The following IQCK variants were observed in gnomAD, a reference collection of about 807,000 sequenced individuals.
IQCK encodes the protein IQ domain-containing protein K.
IQCK carries 29 observed loss-of-function variants against 28.1 expected under a neutral mutation model. The observed-to-expected ratio is 1.03, with a 90% confidence interval of 0.77 to 1.41. IQCK has a LOEUF of 1.41. Ranked by LOEUF, IQCK falls within the 40% of genes most tolerant of loss-of-function variation. The pLI, the probability that IQCK is intolerant of heterozygous loss-of-function variation, is 0.00. For missense variants in IQCK, 359 were observed against 314.7 expected (o/e 1.14, Z -1.07); for synonymous variants, 113 against 115.1 (o/e 0.98, Z 0.12).
chr16:19,741,511 A>C (rs2054834225), intron 4 of IQCK, among the ~76,000 whole-genome samples: 1 of 152,218 alleles, frequency 6.6e-6, no homozygotes, highest in Non-Finnish European at 1.5e-5. Flanking sequence ...ATTATATTAG[A>C]GATTAATGAG....
intron 4 of IQCK, among the ~76,000 whole-genome samples, chr16:19,748,780 A>C (rs2054947339): frequency 6.6e-6 from 1 of 152,208 alleles, no homozygotes; most frequent in Non-Finnish European, 1.5e-5. Flanking sequence ...GATAGGTATT[A>C]GTAAAAATCA....
At chr16:19,782,875 AAAG>A (rs1463370259) in intron 6 of IQCK, among the ~76,000 whole-genome samples, 1 of 152,210 alleles carries the variant, frequency 6.6e-6, no homozygotes, top group African/African-American at 2.4e-5. Flanking sequence ...TGCATCTAAA[AAAG>A]AGAAAAGAAG....
At chr16:19,784,480 G>A (rs113476390) in intron 6 of IQCK, among the ~76,000 whole-genome samples, 9 of 152,258 alleles carry the variant, frequency 5.9e-5, no homozygotes, top group South Asian at 4.2e-4. Flanking sequence ...ACAAAATCAC[G>A]TGTAGAAAAT....
At chr16:19,822,893 G>A (rs989957789) in intron 7 of IQCK, among the ~76,000 whole-genome samples, 2 of 152,320 alleles carry the variant, frequency 1.3e-5, no homozygotes, top group African/African-American at 4.8e-5. Flanking sequence ...AAGGTTCCTT[G>A]TGAATCTGAT....
intron 6 of IQCK, among the ~76,000 whole-genome samples, chr16:19,779,272 TA>T (rs1278291090): frequency 1.3e-5 from 2 of 152,128 alleles, no homozygotes; most frequent in Admixed American, 6.6e-5. Flanking sequence ...GAGGAGGAAG[TA>T]AAATAAATTG....
intron 1 of IQCK, among the ~76,000 whole-genome samples, chr16:19,725,345 C>T (rs563989645): frequency 1.4e-4 from 21 of 152,234 alleles, no homozygotes; most frequent in East Asian, 5.8e-4. Context: ...TACAGGCGTG[C>T]GCCACCACAC....
intron 7 of IQCK, among the ~76,000 whole-genome samples, chr16:19,822,201 C>T (rs181159827): frequency 2.7e-5 from 4 of 149,894 alleles, no homozygotes; most frequent in Non-Finnish European, 4.4e-5. Context: ...GCCTGGCCAA[C>T]ATGGTGAAAC....
In IQCK at chr16:19,746,190, CTT is replaced by C. The variant is rs58032911; in HGVS notation, c.474+10750_474+10751del. Among the ~76,000 whole-genome samples, 236 of 132,266 alleles carry C rather than the reference CTT, an allele frequency of 1.8e-3. 2 individuals carry two copies. Among genetic ancestry groups the C allele is most frequent in the Middle Eastern group, 0.012 (3 of 242 alleles). 86.8% of individuals were successfully genotyped at this position (132,266 alleles called of 152,430 possible). A position where few individuals can be genotyped will look rare whatever the true frequency, so the allele number is the denominator to read the frequency against. ...AAAAAAAAAGAGTCTAGCTTCATTT[CTT>C]TTTTTTTTTCTTTTAATTTTTGTGG... On this transcript the variant is annotated intron_variant, in intron 4 of 7. Transcript: ENST00000564186.
At chr16:19,764,110 A>G (rs778235385) in exon 6 of IQCK, 4 of 1,608,052 alleles carry the variant, frequency 2.5e-6, no homozygotes, top group Non-Finnish European at 2.6e-6. Context: ...GGCTAAAGCA[A>G]CAGTGAGTAT....
At chr16:19,806,940 C>T (rs963937565) in intron 7 of IQCK, among the ~76,000 whole-genome samples, 9 of 152,214 alleles carry the variant, frequency 5.9e-5, no homozygotes, top group Admixed American at 1.3e-4. Context: ...ATAACCCCCA[C>T]CCCCTGGGAT....
chr16:19,777,023 G>A (rs938657198), intron 6 of IQCK, among the ~76,000 whole-genome samples: 1 of 152,200 alleles, frequency 6.6e-6, no homozygotes, highest in Non-Finnish European at 1.5e-5. Flanking sequence ...AAATGAGCAC[G>A]AAGAGCAAAA....
intron 7 of IQCK, among the ~76,000 whole-genome samples, chr16:19,809,076 C>T (rs2055868903): frequency 6.6e-6 from 1 of 152,180 alleles, no homozygotes; most frequent in African/African-American, 2.4e-5. Flanking sequence ...AGGCTGGTCT[C>T]GAACTCCTGA....
chr16:19,854,557 T>C (rs2056529884), intron 9 of IQCK, among the ~76,000 whole-genome samples: 1 of 152,120 alleles, frequency 6.6e-6, no homozygotes. Flanking sequence ...ATGTCCCCAA[T>C]TTGTCCCTAG....
intron 4 of IQCK, among the ~76,000 whole-genome samples, chr16:19,763,146 C>T (rs547692747): frequency 1.4e-4 from 21 of 152,196 alleles, no homozygotes; most frequent in African/African-American, 4.6e-4. Flanking sequence ...ACTACTAATA[C>T]CCTACTACTA....
At chr16:19,839,587 C>T (rs1178671076) in intron 9 of IQCK, among the ~76,000 whole-genome samples, 1 of 152,204 alleles carries the variant, frequency 6.6e-6, no homozygotes, top group African/African-American at 2.4e-5. Flanking sequence ...GCATCTAGAA[C>T]AGTGCCCAGC....
At chr16:19,734,295 G>A (rs891453574) in intron 3 of IQCK, among the ~76,000 whole-genome samples, 9 of 152,080 alleles carry the variant, frequency 5.9e-5, no homozygotes, top group Admixed American at 3.9e-4. Context: ...TCAGGAATTC[G>A]ATACCAGCCT....
exon 10 of IQCK, chr16:19,858,426 C>A: frequency 1.7e-6 from 1 of 605,602 alleles, no homozygotes; most frequent in Non-Finnish European, 3.0e-6. Flanking sequence ...TTGTGCTGTG[C>A]TCACCTTATA....
At chr16:19,774,708 G>A (rs1457690550) in intron 6 of IQCK, among the ~76,000 whole-genome samples, 2 of 152,182 alleles carry the variant, frequency 1.3e-5, no homozygotes, top group Non-Finnish European at 2.9e-5. Flanking sequence ...AAATTATGGG[G>A]CAGGTATATT....
At chr16:19,763,670 T>A (rs1394325293) in intron 4 of IQCK, among the ~76,000 whole-genome samples, 178 bp from the exon 5 acceptor site, 2 of 152,200 alleles carry the variant, frequency 1.3e-5, no homozygotes, top group Non-Finnish European at 2.9e-5. Flanking sequence ...CTCGAACTCC[T>A]GACCTCAAGT....
Sources: gnomAD v4.1 joint callset for allele counts (sites outside exome capture counted in the v4.1 genomes callset) on GRCh38, gnomAD v4.1.1 for gene constraint, MANE v1.5 for transcripts, NCBI Gene and HGNC (gene_info 2026-07-23, HGNC 2026-07-21) for gene names.